The following C1orf94 variants were observed in gnomAD, a reference collection of about 807,000 sequenced individuals.
C1orf94 encodes chromosome 1 open reading frame 94.
Under a neutral mutation model 53.6 loss-of-function variants are expected in C1orf94, and 45 were observed. The ratio of observed to expected loss-of-function variants is 0.84; its 90% CI spans 0.66 to 1.08. The LOEUF (loss-of-function observed/expected upper bound fraction) is 1.08. Ranked by LOEUF, C1orf94 falls within the 50% of genes least tolerant of loss-of-function variation. The pLI is 0.00. For synonymous variants in C1orf94, 304 were observed against 296.1 expected, an observed-to-expected ratio of 1.03 and a Z score of -0.27; for missense variants, 762 against 738.9, an observed-to-expected ratio of 1.03 and a Z score of -0.36.
At chr1:34,171,475 A>G (rs928682192) in intron 1 of C1orf94, among the ~76,000 whole-genome samples, 6 of 152,134 alleles carry the variant, frequency 3.9e-5, no homozygotes, top group African/African-American at 9.7e-5. Context: ...GGATGGATGG[A>G]TGAATGGATG....
At chr1:34,199,523 G>A (rs12132617) in intron 2 of C1orf94, among the ~76,000 whole-genome samples, 21,436 of 152,232 alleles carry the variant, frequency 0.14, 1,715 homozygotes, top group Middle Eastern at 0.24. Flanking sequence ...AAGCCGCTGG[G>A]CTAGGGGGCC....
chr1:34,172,275 T>C (rs1642156415), upstream of C1orf94, among the ~76,000 whole-genome samples: 1 of 152,248 alleles, frequency 6.6e-6, no homozygotes. Context: ...TTCTGTCATC[T>C]AGGACCTTCC....
At chr1:34,199,671 C>T (rs1642663914) in intron 2 of C1orf94, among the ~76,000 whole-genome samples, 1 of 152,196 alleles carries the variant, frequency 6.6e-6, no homozygotes, top group Non-Finnish European at 1.5e-5. Context: ...GGCCAGGTTT[C>T]CCACCACTGC....
intron 1 of C1orf94, among the ~76,000 whole-genome samples, chr1:34,183,583 G>A (rs577443510): frequency 5.9e-5 from 9 of 152,196 alleles, no homozygotes; most frequent in Non-Finnish European, 8.8e-5. Context: ...TGCCAGGTGC[G>A]GTGGCTTATG....
rs938886087 is a variant in C1orf94 at position 34,177,398 on chromosome 1, C to G, written c.-392C>G. Among the ~76,000 whole-genome samples, 4 of 152,122 alleles carry G rather than the reference C, an allele frequency of 2.6e-5. No homozygotes were observed. Among genetic ancestry groups the G allele is most frequent in the Admixed American group, 1.3e-4 (2 of 15,280 alleles). ...CGGGACAGCATGGGCTGAGCCCAGGCGCCGAAAGTTGTCACGGCGGCGTCG... is the reference window on the plus strand; with the variant it reads ...CGGGACAGCATGGGCTGAGCCCAGGGGCCGAAAGTTGTCACGGCGGCGTCG... On this transcript the variant is annotated 5_prime_UTR_variant, in exon 1 of 7. Transcript: ENST00000488417.
At chr1:34,169,585 C>G (rs920530669) in intron 1 of C1orf94, among the ~76,000 whole-genome samples, 2 of 121,096 alleles carry the variant, frequency 1.7e-5, no homozygotes, top group African/African-American at 2.9e-5. Context: ...GATCAAAAAG[C>G]CTTCTGAAGC....
chr1:34,195,268 G>T (rs1386730894), intron 1 of C1orf94, among the ~76,000 whole-genome samples: 1 of 152,158 alleles, frequency 6.6e-6, no homozygotes, highest in African/African-American at 2.4e-5. Context: ...ACTGTGCTGA[G>T]CTCACGTACC....
intron 6 of C1orf94, among the ~76,000 whole-genome samples, chr1:34,213,521 C>T (rs1038753510): frequency 1.3e-5 from 2 of 151,962 alleles, no homozygotes; most frequent in African/African-American, 2.4e-5. Context: ...GAAATCCACA[C>T]CCTTTTCTTT....
At chr1:34,213,863 A>ATTCC (rs751629138) in intron 6 of C1orf94, among the ~76,000 whole-genome samples, 58 of 151,510 alleles carry the variant, frequency 3.8e-4, no homozygotes, top group Non-Finnish European at 6.6e-4. Context: ...TAAAAAAAAT[A>ATTCC]TTCCTTCCTT....
At chr1:34,214,258 G>T (rs1426965682) in intron 6 of C1orf94, among the ~76,000 whole-genome samples, 1 of 152,210 alleles carries the variant, frequency 6.6e-6, no homozygotes, top group Non-Finnish European at 1.5e-5. Context: ...CAAGCTGGAG[G>T]CCTGGGGAAT....
intron 6 of C1orf94, among the ~76,000 whole-genome samples, chr1:34,213,972 C>T (rs772487711): frequency 3.3e-5 from 5 of 152,112 alleles, no homozygotes; most frequent in Non-Finnish European, 7.3e-5. Flanking sequence ...TTCTACCTAA[C>T]ACACCCAGGG....
At chr1:34,181,802 A>T (rs1489863288) in intron 1 of C1orf94, among the ~76,000 whole-genome samples, 1 of 152,218 alleles carries the variant, frequency 6.6e-6, no homozygotes, top group African/African-American at 2.4e-5. Context: ...CTGGGTGTCA[A>T]GGAAGGCTTC....
At position 34,200,963 on chromosome 1, in the gene C1orf94, G is replaced by A. The variant is rs914064876; in HGVS notation, c.1201G>A (p.Ala401Thr). ...GAACTTGCTCTATGAGTTCCTTGGG[G>A]CCACCAAGAACCCAAGCGGGCAGCC... ...EKNLLYEFLG[A>T]TKNPSGQPRL... The change falls in exon 3 of 7, where the codon GCC becomes ACC. Residue 401 changes from alanine (A) to threonine (T), a missense_variant. Coordinates refer to ENST00000488417, the MANE Select transcript of C1orf94 (RefSeq NM_001134734.2). 1 of 1,613,914 alleles carries A rather than the reference G, an allele frequency of 6.2e-7. No individual in the cohort carries two copies.
Position 34,212,197 on chromosome 1 carries a change from C to T in C1orf94, c.1525-13C>T. On this transcript the variant is annotated splice_polypyrimidine_tract_variant and intron_variant, in intron 5 of 6. Transcript: ENST00000488417. The stretch of plus-strand genomic sequence containing the variant: ...AATGGTGACCTCACCCCTCTCTTCT[C>T]TGTGATGTGCAGGTGATGCCATACA... The T allele has an allele frequency of 1.2e-6, 2 of 1,600,060 alleles. No individual in the cohort carries two copies. Among genetic ancestry groups the T allele is most frequent in the Non-Finnish European group, 1.7e-6 (2 of 1,172,590 alleles).
In C1orf94 at chr1:34,178,056, C is replaced by T. The variant is rs1165302075; in HGVS notation, c.267C>T (p.Leu89=). ...ASQPWTSMEQ[L]SVPVVGTLRG... Reference sequence around the variant, plus strand: ...AGCCCTGGACCTCCATGGAGCAGCTCTCTGTCCCTGTGGTTGGAACTCTAA... The same window carrying T: ...AGCCCTGGACCTCCATGGAGCAGCTTTCTGTCCCTGTGGTTGGAACTCTAA... The change falls in exon 1 of 7, where the codon CTC becomes CTT. Residue 89 remains leucine, a synonymous_variant. Coordinates refer to ENST00000488417, the MANE Select transcript of C1orf94 (RefSeq NM_001134734.2). 1.5e-5 allele frequency: 24 copies of T among 1,551,738 alleles called. No individual in the cohort carries two copies. The highest frequency in any genetic ancestry group is 1.2e-4 in the African/African-American group (9 of 73,168).
chr1:34,188,231 C>A (rs1642418295), intron 1 of C1orf94, among the ~76,000 whole-genome samples: 1 of 152,118 alleles, frequency 6.6e-6, no homozygotes, highest in South Asian at 2.1e-4. Context: ...TCAAAGATGA[C>A]AAAACCTTAG....
At chr1:34,208,995 C>T (rs1231802194) in intron 5 of C1orf94, among the ~76,000 whole-genome samples, 6 of 152,012 alleles carry the variant, frequency 3.9e-5, no homozygotes, top group Non-Finnish European at 5.9e-5. Context: ...TTCAGATAAA[C>T]AAGGAAAAAA....
chr1:34,175,320 G>A (rs1030087627), upstream of C1orf94, among the ~76,000 whole-genome samples: 4 of 151,976 alleles, frequency 2.6e-5, 1 homozygote, highest in Admixed American at 2.6e-4. Flanking sequence ...CCTGGGCAGT[G>A]CAGGGTCGTT....
chr1:34,184,026 T>C (rs181298466), intron 1 of C1orf94, among the ~76,000 whole-genome samples: 3 of 152,228 alleles, frequency 2.0e-5, no homozygotes, highest in African/African-American at 4.8e-5. Context: ...GCCAGTGCCA[T>C]GGAAGCGCAC....
Sources: allele counts gnomAD v4.1 joint callset (sites outside exome capture counted in the v4.1 genomes callset), GRCh38; gene constraint gnomAD v4.1.1; transcripts MANE v1.5; gene names NCBI Gene and HGNC (gene_info 2026-07-23, HGNC 2026-07-21).